EDIL3: variants seen among roughly 807,000 people sequenced by gnomAD.
EDIL3 encodes EGF-like repeat and discoidin I-like domain-containing protein 3.
In EDIL3, 37 loss-of-function variants were observed where a neutral mutation model predicts 67.4. The ratio of observed to expected loss-of-function variants is 0.55; its 90% CI spans 0.42 to 0.72. The LOEUF is 0.72. EDIL3 is among the 30% of genes least tolerant of loss of function. The probability of loss-of-function intolerance (pLI) is 0.00; values close to 1 mark genes in which losing one functional copy is unlikely to be tolerated. For missense variants in EDIL3, 527 were observed against 586.3 expected (o/e 0.90, Z 1.04); for synonymous variants, 195 against 196.3 (o/e 0.99, Z 0.05).
chr5:84,294,508 TA>T (rs1485951422), intron 1 of EDIL3, among the ~76,000 whole-genome samples: 1 of 151,978 alleles, frequency 6.6e-6, no homozygotes, highest in Non-Finnish European at 1.5e-5. Flanking sequence ...GAATACTTAT[TA>T]ACAAATTTTA....
chr5:84,075,001 A>T (rs1159003347), intron 6 of EDIL3, among the ~76,000 whole-genome samples: 1 of 152,220 alleles, frequency 6.6e-6, no homozygotes, highest in Non-Finnish European at 1.5e-5. Flanking sequence ...CATATATACC[A>T]TGGAATACTA....
At chr5:84,092,803 A>G (rs1747190798) in intron 6 of EDIL3, among the ~76,000 whole-genome samples, 1 of 152,094 alleles carries the variant, frequency 6.6e-6, no homozygotes, top group Admixed American at 6.5e-5. Context: ...GGAAAAAAAA[A>G]ACAAAAACAA....
intron 6 of EDIL3, among the ~76,000 whole-genome samples, chr5:84,081,390 A>C (rs1746964697): frequency 6.6e-6 from 1 of 152,212 alleles, no homozygotes; most frequent in South Asian, 2.1e-4. Flanking sequence ...CTTGTAAATA[A>C]AGATAAAGTT....
chr5:84,372,761 G>A (rs565557359), intron 1 of EDIL3, among the ~76,000 whole-genome samples: 2 of 152,180 alleles, frequency 1.3e-5, no homozygotes, highest in African/African-American at 4.8e-5. Context: ...TAATAAAAAC[G>A]CCTTAGGTTG....
chr5:84,265,398 A>T (rs1431972803), intron 1 of EDIL3, among the ~76,000 whole-genome samples: 1 of 152,210 alleles, frequency 6.6e-6, no homozygotes. Flanking sequence ...TGGTTGGCAA[A>T]TACAGAGACA....
intron 4 of EDIL3, among the ~76,000 whole-genome samples, chr5:84,141,942 T>C (rs1289815952): frequency 1.5e-5 from 2 of 136,630 alleles, no homozygotes; most frequent in African/African-American, 2.8e-5. Context: ...TATATATATA[T>C]ATATACATAG....
intron 9 of EDIL3, among the ~76,000 whole-genome samples, chr5:84,015,051 T>C (rs939431242): frequency 6.6e-5 from 10 of 152,190 alleles, no homozygotes; most frequent in Non-Finnish European, 1.2e-4. Flanking sequence ...TCTTATTCTA[T>C]GATGAATAAA....
chr5:84,193,402 C>T (rs1743631787), intron 3 of EDIL3, among the ~76,000 whole-genome samples: 1 of 151,732 alleles, frequency 6.6e-6, no homozygotes, highest in Non-Finnish European at 1.5e-5. Context: ...TTCACTGAAA[C>T]AGCAACACTG....
At position 84,192,909 on chromosome 5, in the gene EDIL3, G is replaced by C. The variant is rs574624514; in HGVS notation, c.227-12388C>G. 3.9e-5 allele frequency among the ~76,000 whole-genome samples: 6 copies of C among 152,068 alleles called. No homozygotes were observed. In the East Asian group the frequency reaches 1.2e-3, roughly 30 times the overall value. On this transcript the variant is annotated intron_variant, in intron 3 of 10. Coordinates refer to ENST00000296591, the MANE Select transcript of EDIL3 (RefSeq NM_005711.5). ...AGGGTCTCTGAAGAAGTGAAGCATA[G>C]ACTAGAAGCCGGAAACCAAGTAACA...
intron 6 of EDIL3, among the ~76,000 whole-genome samples, chr5:84,074,048 T>G (rs540756597): frequency 6.6e-6 from 1 of 151,914 alleles, no homozygotes; most frequent in South Asian, 2.1e-4. Flanking sequence ...ATGCCGCATA[T>G]CTACAACTAT....
chr5:84,144,088 T>C (rs969332717), intron 4 of EDIL3, among the ~76,000 whole-genome samples: 3 of 152,064 alleles, frequency 2.0e-5, no homozygotes, highest in Admixed American at 6.6e-5. Flanking sequence ...ACTTAGAGAT[T>C]GTGACTTAAA....
chr5:84,121,806 T>G (rs971950726), intron 5 of EDIL3, among the ~76,000 whole-genome samples: 2 of 152,058 alleles, frequency 1.3e-5, no homozygotes, highest in African/African-American at 4.8e-5. Flanking sequence ...ACAAAAAGAC[T>G]CTAAGCATAT....
At chr5:84,204,414 A>C (rs1743914563) in intron 3 of EDIL3, among the ~76,000 whole-genome samples, 1 of 152,246 alleles carries the variant, frequency 6.6e-6, no homozygotes, top group Non-Finnish European at 1.5e-5. Flanking sequence ...GATTAAAAAT[A>C]AAACTGAATT....
chr5:84,041,711 T>G (rs201728518), intron 9 of EDIL3, among the ~76,000 whole-genome samples: 15 of 145,998 alleles, frequency 1.0e-4, no homozygotes, highest in African/African-American at 3.6e-4. Flanking sequence ...TATATATATA[T>G]AGATATATAT....
At chr5:84,108,776 A>G (rs1444597930) in intron 5 of EDIL3, among the ~76,000 whole-genome samples, 2 of 152,150 alleles carry the variant, frequency 1.3e-5, no homozygotes. Context: ...CAATGTTTGG[A>G]TGGAAAAATG....
intron 9 of EDIL3, among the ~76,000 whole-genome samples, chr5:84,027,771 T>C (rs987482965): frequency 6.6e-6 from 1 of 151,940 alleles, no homozygotes; most frequent in Non-Finnish European, 1.5e-5. Context: ...TTAGTATAAA[T>C]GATATTGCAG....
intron 9 of EDIL3, among the ~76,000 whole-genome samples, chr5:84,052,495 T>C (rs1247305075): frequency 6.6e-6 from 1 of 152,086 alleles, no homozygotes; most frequent in Non-Finnish European, 1.5e-5. Context: ...AATGCTCCAA[T>C]TAAAAGACAC....
chr5:84,217,533 G>T (rs1307772302), intron 3 of EDIL3, among the ~76,000 whole-genome samples: 1 of 152,110 alleles, frequency 6.6e-6, no homozygotes, highest in Non-Finnish European at 1.5e-5. Flanking sequence ...GTCTCATCCA[G>T]TGAATTGAAA....
rs115963243 is a variant in EDIL3, at chr5:83,999,801, A to C, written c.1138-36441T>G. 7.5e-3 allele frequency among the ~76,000 whole-genome samples: 1,145 copies of C among 152,172 alleles called. 14 individuals carry two copies. Among genetic ancestry groups the C allele is most frequent in the African/African-American group, 0.026 (1,095 of 41,512 alleles). On this transcript the variant is annotated intron_variant, in intron 9 of 10. Coordinates refer to ENST00000296591, the MANE Select transcript of EDIL3 (RefSeq NM_005711.5). ...TAACCAAGTATATGAAGGTTATAGAACACCAAACAGATTGAAACCAAAGAA... is the reference window on the plus strand; with the variant it reads ...TAACCAAGTATATGAAGGTTATAGACCACCAAACAGATTGAAACCAAAGAA...
Sources: gnomAD v4.1 joint callset for allele counts (sites outside exome capture counted in the v4.1 genomes callset) on GRCh38, gnomAD v4.1.1 for gene constraint, MANE v1.5 for transcripts, NCBI Gene and HGNC (gene_info 2026-07-23, HGNC 2026-07-21) for gene names.